Variants in NCOA2 observed in about 807,000 individuals in gnomAD.
NCOA2 encodes class E basic helix-loop-helix protein 75.
In NCOA2, 21 loss-of-function variants were observed where a neutral mutation model predicts 145.1. That is an observed-to-expected ratio of 0.14 (90% confidence interval 0.10 to 0.21). The LOEUF (loss-of-function observed/expected upper bound fraction) is 0.21, where lower values mean the gene tolerates loss of function less well. Among genes scored for constraint, NCOA2 ranks in the 10% least tolerant of loss-of-function variants. The pLI is 1.00. For missense variants in NCOA2, 1,472 were observed against 1,837.6 expected (o/e 0.80, Z 3.64); for synonymous variants, 619 against 637.5 (o/e 0.97, Z 0.44).
At chr8:70,217,329 T>C (rs1028898758) in intron 2 of NCOA2, among the ~76,000 whole-genome samples, 3 of 152,154 alleles carry the variant, frequency 2.0e-5, no homozygotes, top group Admixed American at 6.5e-5. Flanking sequence ...TGCCCCCTAG[T>C]GGGGGATCTT....
At chr8:70,382,105 C>CT (rs1812243208) in intron 1 of NCOA2, among the ~76,000 whole-genome samples, 1 of 151,966 alleles carries the variant, frequency 6.6e-6, no homozygotes, top group Non-Finnish European at 1.5e-5. Flanking sequence ...CAGCATAAAA[C>CT]CTAAATACAT....
intron 2 of NCOA2, among the ~76,000 whole-genome samples, chr8:70,245,531 C>G (rs1245306785): frequency 6.6e-6 from 1 of 151,990 alleles, no homozygotes; most frequent in African/African-American, 2.4e-5. Flanking sequence ...CTCTCTCTCC[C>G]TCTCCTTCTC....
the NCOA2 span, among the ~76,000 whole-genome samples, chr8:70,415,482 T>G: frequency 6.6e-6 from 1 of 152,228 alleles, no homozygotes; most frequent in African/African-American, 2.4e-5. Flanking sequence ...ACGATAGATA[T>G]TTTTGTTTCA....
At chr8:70,404,769 G>A (rs1007159273), upstream of NCOA2, among the ~76,000 whole-genome samples, 4 of 152,192 alleles carry the variant, frequency 2.6e-5, no homozygotes, top group African/African-American at 7.2e-5. Flanking sequence ...AGGGGACGTA[G>A]GAGATTGGCA....
chr8:70,162,595 G>A lies in NCOA2; in HGVS notation c.976+116C>T, dbSNP rs1043050639. The A allele has an allele frequency of 2.8e-6, 3 of 1,088,148 alleles. No homozygotes were observed. In the African/African-American group the frequency reaches 4.8e-5, roughly 17 times the overall value. The allele number at this position is 1,088,148 out of a possible 1,614,324, so 67.4% of individuals were successfully genotyped here. Reference sequence around the variant, plus strand: ...TTAGATGGCAACACTGGGGCCAGATGAGACAGCTCACGAGAACAGTCACCA... The same window carrying A: ...TTAGATGGCAACACTGGGGCCAGATAAGACAGCTCACGAGAACAGTCACCA... On this transcript the variant is annotated intron_variant, in intron 9 of 22. Coordinates refer to ENST00000452400, the MANE Select transcript of NCOA2 (RefSeq NM_006540.4).
At position 70,141,209 on chromosome 8, in the gene NCOA2, C is replaced by T. The variant is rs541247277; in HGVS notation, c.3003G>A (p.Thr1001=). 7.4e-5 allele frequency: 120 copies of T among 1,613,680 alleles called. 2 individuals are homozygous for T. The South Asian group carries it at 8.6e-4, about 12-fold the overall frequency. ...CTATATTCATGACCTGAGACTGAAG[C>T]GTCTGTCTTTGGCCAGGCTGGCTGC... ...RPSSQPGQRQ[T]LQSQVMNIGP... is the part of the protein sequence containing the mutation. Residue 1001 remains threonine (T), a synonymous_variant, in exon 14 of 23, where the codon ACG becomes ACA. Transcript: ENST00000452400.
intron 11 of NCOA2, among the ~76,000 whole-genome samples, chr8:70,154,786 T>A (rs1444398856): frequency 6.6e-6 from 1 of 152,146 alleles, no homozygotes; most frequent in African/African-American, 2.4e-5. Flanking sequence ...CAAGAATGAT[T>A]TGGGGTGGAA....
intron 1 of NCOA2, among the ~76,000 whole-genome samples, chr8:70,398,017 C>T (rs148633250): frequency 2.8e-4 from 42 of 152,286 alleles, no homozygotes; most frequent in Non-Finnish European, 5.3e-4. Flanking sequence ...CTATGTTCCC[C>T]CTTTAATTAC....
chr8:70,445,942 T>C, the NCOA2 span, among the ~76,000 whole-genome samples: 1 of 152,174 alleles, frequency 6.6e-6, no homozygotes, highest in Non-Finnish European at 1.5e-5. Context: ...AAAAAATACA[T>C]TCTATCATAA....
At chr8:70,256,249 G>C (rs576201979) in intron 2 of NCOA2, among the ~76,000 whole-genome samples, 23 of 152,224 alleles carry the variant, frequency 1.5e-4, no homozygotes, top group Non-Finnish European at 3.1e-4. Flanking sequence ...ACCATTCCTA[G>C]AGACCAGCTG....
chr8:70,182,802 G>A (rs1313011502), intron 4 of NCOA2, among the ~76,000 whole-genome samples: 1 of 152,060 alleles, frequency 6.6e-6, no homozygotes, highest in South Asian at 2.1e-4. Flanking sequence ...CACAGTTCAT[G>A]TCCTATAGGA....
rs183149595 is a variant in NCOA2, at chr8:70,371,182, G to A, written c.-77+32518C>T. 3.5e-3 allele frequency among the ~76,000 whole-genome samples: 531 copies of A among 152,092 alleles called. 2 individuals carry two copies. Among genetic ancestry groups the A allele is most frequent in the African/African-American group, 0.012 (508 of 41,498 alleles). ...CAGGCGCCTATAGTCCCAGCTACTC[G>A]GGAGGCTGAGGCAGGAGAATGGCAT... On this transcript the variant is annotated intron_variant, in intron 1 of 22. Coordinates refer to ENST00000452400, the MANE Select transcript of NCOA2 (RefSeq NM_006540.4).
At chr8:70,424,596 G>C in the NCOA2 span, 23 of 470,612 alleles carry the variant, frequency 4.9e-5, no homozygotes, top group South Asian at 3.5e-4. Context: ...ACAAGCGGCG[G>C]TGTGCAGGCC....
At chr8:70,131,507 G>A (rs981111334) in intron 16 of NCOA2, among the ~76,000 whole-genome samples, 4 of 152,202 alleles carry the variant, frequency 2.6e-5, no homozygotes, top group Non-Finnish European at 5.9e-5. Context: ...TCACAAGGCA[G>A]CAATGTGCTG....
intron 1 of NCOA2, among the ~76,000 whole-genome samples, chr8:70,343,609 T>C (rs1808336608): frequency 6.6e-6 from 1 of 150,758 alleles, no homozygotes. Flanking sequence ...GTCAGGAGAG[T>C]TCGAGACCAG....
chr8:70,185,042 C>T (rs1285826352), intron 4 of NCOA2, among the ~76,000 whole-genome samples: 1 of 152,196 alleles, frequency 6.6e-6, no homozygotes, highest in African/African-American at 2.4e-5. Context: ...TTTCTCCCAT[C>T]TGGTTATCTT....
intron 5 of NCOA2, among the ~76,000 whole-genome samples, chr8:70,172,555 C>A (rs1216914596): frequency 6.6e-6 from 1 of 152,116 alleles, no homozygotes; most frequent in Non-Finnish European, 1.5e-5. Flanking sequence ...ATTGTATGAA[C>A]CACATGCAGG....
chr8:70,297,497 C>A (rs1036319327), intron 1 of NCOA2, among the ~76,000 whole-genome samples: 13 of 152,114 alleles, frequency 8.5e-5, no homozygotes, highest in South Asian at 6.2e-4. Context: ...CCACACCCAG[C>A]TAATCTTTTA....
At chr8:70,452,823 A>G in the NCOA2 span, among the ~76,000 whole-genome samples, 1 of 152,064 alleles carries the variant, frequency 6.6e-6, no homozygotes, top group Non-Finnish European at 1.5e-5. Context: ...TTATATGATC[A>G]CTCTATTCAT....
Sources: allele counts gnomAD v4.1 joint callset (sites outside exome capture counted in the v4.1 genomes callset), GRCh38; gene constraint gnomAD v4.1.1; transcripts MANE v1.5; gene names NCBI Gene and HGNC (gene_info 2026-07-23, HGNC 2026-07-21).